Variants in INSYN2B observed in about 807,000 individuals in gnomAD.
INSYN2B encodes inhibitory synaptic factor family member 2B.
INSYN2B carries 16 observed loss-of-function variants against 41.2 expected under a neutral mutation model. That is an observed-to-expected ratio of 0.39 (90% CI 0.26 to 0.59). The LOEUF (loss-of-function observed/expected upper bound fraction) is 0.59, where lower values mean the gene tolerates loss of function less well. Among genes scored for constraint, INSYN2B ranks in the 20% least tolerant of loss-of-function variants. INSYN2B has a pLI of 0.57. For missense variants in INSYN2B, 608 were observed against 646.4 expected (o/e 0.94, Z 0.64); for synonymous variants, 245 against 244.4 (o/e 1.00, Z -0.02).
At chr5:169,894,444 T>C (rs1337482020) in intron 1 of INSYN2B, among the ~76,000 whole-genome samples, 1 of 152,160 alleles carries the variant, frequency 6.6e-6, no homozygotes, top group Non-Finnish European at 1.5e-5. Flanking sequence ...TGTTGGGCCC[T>C]GGACTCTGCA....
intron 1 of INSYN2B, among the ~76,000 whole-genome samples, chr5:169,956,998 A>G (rs1318543717): frequency 6.6e-6 from 1 of 152,010 alleles, no homozygotes; most frequent in Non-Finnish European, 1.5e-5. Flanking sequence ...CAGGAGCAAT[A>G]CAATGGTATC....
chr5:169,929,887 C>A (rs1775663491), intron 1 of INSYN2B, among the ~76,000 whole-genome samples: 1 of 152,076 alleles, frequency 6.6e-6, no homozygotes, highest in Non-Finnish European at 1.5e-5. Context: ...AATATGGTAG[C>A]CACTAGCCAC....
chr5:169,953,329 T>A (rs1236576894), intron 1 of INSYN2B, among the ~76,000 whole-genome samples: 1 of 121,668 alleles, frequency 8.2e-6, no homozygotes, highest in Non-Finnish European at 1.7e-5. Context: ...CAAGACTCTA[T>A]CTCAAAAAAA....
At chr5:169,910,427 ACT>A (rs1774529773) in intron 1 of INSYN2B, among the ~76,000 whole-genome samples, 1 of 152,020 alleles carries the variant, frequency 6.6e-6, no homozygotes, top group African/African-American at 2.4e-5. Context: ...TTTATTGCTT[ACT>A]CTCTTAACTT....
intron 1 of INSYN2B, among the ~76,000 whole-genome samples, chr5:169,912,487 T>G (rs981561289): frequency 2.6e-5 from 4 of 152,146 alleles, no homozygotes; most frequent in Non-Finnish European, 1.5e-5. Flanking sequence ...ACATATGTGT[T>G]TTCTTAGGGT....
intron 1 of INSYN2B, among the ~76,000 whole-genome samples, chr5:169,897,482 C>G (rs1773679137): frequency 3.9e-5 from 6 of 152,164 alleles, no homozygotes; most frequent in Admixed American, 3.9e-4. Flanking sequence ...AGCCACCGTA[C>G]TCGGCCAGGA....
chr5:169,952,874 A>G (rs2113728828), intron 1 of INSYN2B, among the ~76,000 whole-genome samples: 2 of 152,330 alleles, frequency 1.3e-5, no homozygotes, highest in East Asian at 3.9e-4. Flanking sequence ...AGATACATAA[A>G]TACTTTGCAG....
At chr5:169,934,515 C>T in intron 1 of INSYN2B, 1 of 398,958 alleles carries the variant, frequency 2.5e-6, no homozygotes, top group South Asian at 1.9e-5. Context: ...TGCTTATCAG[C>T]ACCCACATTT....
chr5:169,955,857 G>C (rs891484943), intron 1 of INSYN2B, among the ~76,000 whole-genome samples: 2 of 152,148 alleles, frequency 1.3e-5, no homozygotes, highest in African/African-American at 4.8e-5. Flanking sequence ...ATGTCTCATG[G>C]TCAAGGTGGC....
intron 1 of INSYN2B, among the ~76,000 whole-genome samples, chr5:169,977,550 CA>C (rs1777758763): frequency 6.6e-6 from 1 of 152,176 alleles, no homozygotes; most frequent in African/African-American, 2.4e-5. Context: ...GCAGCTGAGG[CA>C]CAAGACCCTG....
chr5:169,894,610 C>T (rs553400549), intron 1 of INSYN2B, among the ~76,000 whole-genome samples: 8 of 152,262 alleles, frequency 5.3e-5, no homozygotes, highest in Admixed American at 3.3e-4. Context: ...ACAGAGAACT[C>T]GGTGGCACAA....
chr5:169,976,072 T>A (rs1348500164), intron 1 of INSYN2B, among the ~76,000 whole-genome samples: 1 of 152,044 alleles, frequency 6.6e-6, no homozygotes, highest in Non-Finnish European at 1.5e-5. Context: ...ATGGAGGGGG[T>A]GGTCCCTATA....
chr5:169,906,153 A>G (rs898516787), intron 1 of INSYN2B, among the ~76,000 whole-genome samples: 1 of 152,180 alleles, frequency 6.6e-6, no homozygotes, highest in African/African-American at 2.4e-5. Flanking sequence ...GTAAATCCTC[A>G]ATGAGCGATT....
chr5:169,934,178 T>C lies in INSYN2B; in HGVS notation c.-919+46099A>G, dbSNP rs1468863246. On this transcript the variant is annotated intron_variant, in intron 1 of 3. Transcript: ENST00000377365. ...TTAGGGGTTGGCAGTAATCAGGTAC[T>C]GGGGCGGGGCTTATGCCACTTGCTT... Among the ~76,000 whole-genome samples the C allele has an allele frequency of 1.3e-5, 2 of 152,170 alleles. 1 individual carries two copies. The highest frequency in any genetic ancestry group is 2.9e-5 in the Non-Finnish European group (2 of 68,024).
At chr5:169,898,564 A>G (rs2113568643) in intron 1 of INSYN2B, among the ~76,000 whole-genome samples, 1 of 151,312 alleles carries the variant, frequency 6.6e-6, no homozygotes, top group East Asian at 1.9e-4. Flanking sequence ...ACAACAACAC[A>G]CACCGGATTG....
chr5:169,889,183 G>A (rs1189540225), intron 1 of INSYN2B, among the ~76,000 whole-genome samples: 1 of 152,082 alleles, frequency 6.6e-6, no homozygotes, highest in South Asian at 2.1e-4. Flanking sequence ...TGGAATAGTT[G>A]GATAGTTGCA....
chr5:169,878,519 G>A (rs1254195199), intron 3 of INSYN2B, among the ~76,000 whole-genome samples: 2 of 152,156 alleles, frequency 1.3e-5, no homozygotes, highest in Non-Finnish European at 2.9e-5. Context: ...CTTGCTCAGG[G>A]CTGTGAAACT....
chr5:169,940,049 T>G (rs1191929935), intron 1 of INSYN2B, among the ~76,000 whole-genome samples: 1 of 152,216 alleles, frequency 6.6e-6, no homozygotes, highest in Non-Finnish European at 1.5e-5. Flanking sequence ...GTTTTCTCAC[T>G]GTGTCATCTA....
At chr5:169,896,426 G>T (rs914314331) in intron 1 of INSYN2B, among the ~76,000 whole-genome samples, 1 of 152,154 alleles carries the variant, frequency 6.6e-6, no homozygotes. Context: ...CTGCATCTTT[G>T]TTGGAGGGTA....
Sources: gnomAD v4.1 joint callset for allele counts (sites outside exome capture counted in the v4.1 genomes callset) on GRCh38, gnomAD v4.1.1 for gene constraint, MANE v1.5 for transcripts, NCBI Gene and HGNC (gene_info 2026-07-23, HGNC 2026-07-21) for gene names.